The following VPS13B variants were observed in gnomAD, a reference collection of about 807,000 sequenced individuals.
VPS13B encodes the protein intermembrane lipid transfer protein VPS13B.
Under a neutral mutation model 426.4 loss-of-function variants are expected in VPS13B, and 285 were observed. The ratio of observed to expected loss-of-function variants is 0.67; its 90% CI spans 0.61 to 0.74. VPS13B has a LOEUF of 0.74. Ranked by LOEUF, VPS13B falls within the 30% of genes least tolerant of loss-of-function variation. VPS13B has a pLI of 0.00. For synonymous variants in VPS13B, 1,676 were observed against 1,676.4 expected, an observed-to-expected ratio of 1.00 and a Z score of 0.01; for missense variants, 4,537 against 4,782.6, an observed-to-expected ratio of 0.95 and a Z score of 1.51.
At chr8:99,546,313 G>T in intron 30 of VPS13B, among the ~76,000 whole-genome samples, 1 of 151,622 alleles carries the variant, frequency 6.6e-6, no homozygotes, top group South Asian at 2.1e-4. Flanking sequence ...TGTTGCCTTG[G>T]AATTAGTCTT....
At position 99,779,066 on chromosome 8, in the gene VPS13B, A is replaced by G. The variant is rs142947127; in HGVS notation, c.7779+35A>G. On this transcript the variant is annotated intron_variant, in intron 42 of 61. Transcript: ENST00000357162. ...TTCCATAACAGTTTACAGTTTGGCC[A>G]CATATGATCTTTTATTAGGTTCTGT... is the stretch of plus-strand genomic sequence containing the variant. 93 of 1,582,136 alleles carry G rather than the reference A, an allele frequency of 5.9e-5. No homozygotes were observed. The African/African-American group carries it at 1.1e-3, about 19-fold the overall frequency.
intron 17 of VPS13B, among the ~76,000 whole-genome samples, chr8:99,223,962 C>T (rs751144759): frequency 6.6e-6 from 1 of 152,080 alleles, no homozygotes; most frequent in Non-Finnish European, 1.5e-5. Context: ...TTTTTTAGGT[C>T]ATTCACAACT....
chr8:99,515,199 AGTTT>A (rs1821992304), intron 29 of VPS13B, among the ~76,000 whole-genome samples: 1 of 152,142 alleles, frequency 6.6e-6, no homozygotes, highest in Non-Finnish European at 1.5e-5. Context: ...GGGCTTTTTT[AGTTT>A]GTTTATATGT....
intron 55 of VPS13B, among the ~76,000 whole-genome samples, chr8:99,849,464 G>A (rs557563611): frequency 2.0e-5 from 3 of 152,166 alleles, no homozygotes; most frequent in Non-Finnish European, 2.9e-5. Context: ...GGAAATATAA[G>A]TAATCAAAGA....
chr8:99,544,405 T>C lies in VPS13B; in HGVS notation c.4746-12045T>C, dbSNP rs1183021850. ...GTGCAGCGCACCAGCATGGCACATG[T>C]ATACATATGTAACTAACCTGCACAA... On this transcript the variant is annotated intron_variant, in intron 30 of 61. Transcript: ENST00000357162. Among the ~76,000 whole-genome samples, 3 of 152,224 alleles carry C rather than the reference T, an allele frequency of 2.0e-5. No individual in the cohort carries two copies. In the East Asian group the frequency reaches 5.8e-4, roughly 29 times the overall value.
chr8:99,233,486 C>T (rs1816464860), intron 17 of VPS13B: 4 of 1,312,304 alleles, frequency 3.0e-6, no homozygotes, highest in Non-Finnish European at 4.4e-6. Context: ...AAGAGATTCA[C>T]AATCTCCTGC....
intron 5 of VPS13B, among the ~76,000 whole-genome samples, chr8:99,108,752 G>T (rs890698228): frequency 6.6e-6 from 1 of 152,004 alleles, no homozygotes; most frequent in Non-Finnish European, 1.5e-5. Context: ...GTTGCTTTGA[G>T]TATTTAGGGT....
intron 30 of VPS13B, among the ~76,000 whole-genome samples, chr8:99,534,539 A>G (rs2133703829): frequency 6.6e-6 from 1 of 152,296 alleles, no homozygotes; most frequent in Non-Finnish European, 1.5e-5. Flanking sequence ...TGGATATATA[A>G]TATCTTACTA....
At chr8:99,744,068 T>C (rs546976409) in intron 39 of VPS13B, among the ~76,000 whole-genome samples, 3 of 152,178 alleles carry the variant, frequency 2.0e-5, no homozygotes, top group Non-Finnish European at 2.9e-5. Flanking sequence ...ATTTTTGCAA[T>C]CTACTCATCT....
intron 21 of VPS13B, among the ~76,000 whole-genome samples, chr8:99,402,401 T>G (rs541018117): frequency 6.6e-6 from 1 of 152,312 alleles, no homozygotes; most frequent in African/African-American, 2.4e-5. Flanking sequence ...ACTTGCTGGC[T>G]AAAGCATTAC....
At chr8:99,373,065 C>G (rs1445548240) in intron 19 of VPS13B, among the ~76,000 whole-genome samples, 2 of 152,120 alleles carry the variant, frequency 1.3e-5, no homozygotes, top group African/African-American at 4.8e-5. Context: ...AACACAGGAA[C>G]AGAAAACCAA....
At chr8:99,164,382 C>G (rs1228533950) in intron 15 of VPS13B, among the ~76,000 whole-genome samples, 1 of 152,102 alleles carries the variant, frequency 6.6e-6, no homozygotes, top group African/African-American at 2.4e-5. Context: ...AAACGCCGGG[C>G]AGCATCTCGT....
intron 33 of VPS13B, among the ~76,000 whole-genome samples, chr8:99,607,596 A>G (rs1827653455): frequency 6.6e-6 from 1 of 152,208 alleles, no homozygotes; most frequent in Non-Finnish European, 1.5e-5. Flanking sequence ...CAGGTCATAT[A>G]CAATTTGTAT....
chr8:99,292,681 T>C (rs1231358003), intron 19 of VPS13B, among the ~76,000 whole-genome samples: 3 of 152,116 alleles, frequency 2.0e-5, no homozygotes, highest in African/African-American at 7.2e-5. Flanking sequence ...TCACTAAAAA[T>C]AGCAAATAAT....
chr8:99,397,390 G>A (rs550635347), intron 21 of VPS13B, among the ~76,000 whole-genome samples: 13 of 152,208 alleles, frequency 8.5e-5, no homozygotes, highest in South Asian at 2.1e-4. Flanking sequence ...TGATCTGCCC[G>A]CCTCGGCGTT....
intron 3 of VPS13B, among the ~76,000 whole-genome samples, chr8:99,062,191 T>C (rs942420651): frequency 6.6e-6 from 1 of 152,176 alleles, no homozygotes. Context: ...TGATTCCCTA[T>C]GCGTTTTATA....
intron 22 of VPS13B, among the ~76,000 whole-genome samples, 166 bp downstream of exon 22, chr8:99,431,830 T>C (rs541242488): frequency 1.3e-5 from 2 of 152,136 alleles, no homozygotes; most frequent in Non-Finnish European, 2.9e-5. Context: ...ATCCTAAACA[T>C]AATTTTATGA....
chr8:99,085,399 T>C (rs1039437216), intron 3 of VPS13B, among the ~76,000 whole-genome samples: 4 of 152,218 alleles, frequency 2.6e-5, no homozygotes, highest in Non-Finnish European at 4.4e-5. Context: ...GGTTCTTGAC[T>C]CTTTATCCGA....
At chr8:99,746,648 A>G (rs1348395112) in intron 39 of VPS13B, among the ~76,000 whole-genome samples, 5 of 152,154 alleles carry the variant, frequency 3.3e-5, no homozygotes, top group African/African-American at 9.7e-5. Flanking sequence ...GTTCAAGATC[A>G]TGTAGCTAGT....
Sources: allele counts gnomAD v4.1 joint callset (sites outside exome capture counted in the v4.1 genomes callset), GRCh38; gene constraint gnomAD v4.1.1; transcripts MANE v1.5; gene names NCBI Gene and HGNC (gene_info 2026-07-23, HGNC 2026-07-21).